NEBL: variants seen among roughly 807,000 people sequenced by gnomAD.
The protein encoded by NEBL is LIM and SH3 protein 2.
A neutral mutation model predicts 140.2 loss-of-function variants in NEBL; 122 were observed. That is an observed-to-expected ratio of 0.87 (90% CI 0.75 to 1.01). The LOEUF is 1.01. Among genes scored for constraint, NEBL ranks in the 50% least tolerant of loss-of-function variants. The pLI is 0.00. For missense variants in NEBL, 1,365 were observed against 1,231.3 expected (o/e 1.11, Z -1.62); for synonymous variants, 436 against 398.9 (o/e 1.09, Z -1.11).
chr10:20,873,480 G>A (rs551152525), intron 5 of NEBL, among the ~76,000 whole-genome samples: 187 of 152,034 alleles, frequency 1.2e-3, no homozygotes, highest in Non-Finnish European at 2.2e-3. Context: ...AGGAAGAACA[G>A]GAGGAGGAGG....
At chr10:21,191,135 C>T (rs911106900) in intron 3 of NEBL, among the ~76,000 whole-genome samples, 5 of 152,254 alleles carry the variant, frequency 3.3e-5, no homozygotes, top group Admixed American at 2.0e-4. Context: ...TAGGAGCATC[C>T]ACAGGTGTTC....
rs548574865 is a variant in NEBL at position 21,116,178 on chromosome 10, T to C, written c.164+56205A>G. On this transcript the variant is annotated intron_variant, in intron 2 of 6. Transcript: ENST00000417816. ...GTTCTTTTAATGTCCTTGTATTAGC[T>C]CAGGCTGCTATAACAAAATACCATA... 5.3e-5 allele frequency among the ~76,000 whole-genome samples: 8 copies of C among 152,214 alleles called. No homozygotes were observed. The East Asian group carries it at 1.4e-3, about 26-fold the overall frequency.
chr10:21,251,628 C>T (rs1842590076), intron 2 of NEBL, among the ~76,000 whole-genome samples: 1 of 152,056 alleles, frequency 6.6e-6, no homozygotes, highest in Admixed American at 6.6e-5. Flanking sequence ...ATGTTAAATC[C>T]TAATACCAAT....
intron 3 of NEBL, among the ~76,000 whole-genome samples, chr10:21,198,936 G>T (rs1841692269): frequency 6.6e-6 from 1 of 151,470 alleles, no homozygotes; most frequent in African/African-American, 2.4e-5. Context: ...TACCTTACAG[G>T]GATGGGCCTA....
chr10:20,821,233 A>G lies in NEBL; in HGVS notation c.1963-1717T>C, dbSNP rs1046749113. On this transcript the variant is annotated intron_variant, in intron 19 of 27. Coordinates refer to ENST00000377122, the MANE Select transcript of NEBL (RefSeq NM_006393.3). ...GTTTGATAGAATCTTCACATCTTGT[A>G]TTCATCCCTTCACAAACATGCTGTG... Among the ~76,000 whole-genome samples the G allele has an allele frequency of 1.2e-4, 19 of 152,220 alleles. 1 individual carries two copies.
chr10:20,851,398 G>T (rs1476527807), intron 10 of NEBL, among the ~76,000 whole-genome samples: 2 of 152,030 alleles, frequency 1.3e-5, no homozygotes, highest in African/African-American at 4.8e-5. Flanking sequence ...ATACCTATTT[G>T]TAGACATAAT....
rs935749088 is a variant in NEBL at position 20,879,015 on chromosome 10, G to A, written c.480+1779C>T. 5.9e-5 allele frequency among the ~76,000 whole-genome samples: 9 copies of A among 152,170 alleles called. No individual in the cohort carries two copies. The South Asian group carries it at 1.0e-3, about 18-fold the overall frequency. On this transcript the variant is annotated intron_variant, in intron 5 of 27. Coordinates refer to ENST00000377122, the MANE Select transcript of NEBL (RefSeq NM_006393.3). ...AGATCACCAGACCACCTTCTAACCC[G>A]TGGCCTTTTGTGTGAATTTCGTCTC...
intron 2 of NEBL, among the ~76,000 whole-genome samples, chr10:21,027,144 C>T (rs1424054269): frequency 6.6e-6 from 1 of 152,096 alleles, no homozygotes; most frequent in Non-Finnish European, 1.5e-5. Flanking sequence ...ATCATGGCCA[C>T]ATGAATAAGC....
intron 2 of NEBL, among the ~76,000 whole-genome samples, chr10:21,069,055 C>T (rs1403613644): frequency 6.6e-5 from 10 of 152,002 alleles, no homozygotes; most frequent in Non-Finnish European, 1.5e-5. Flanking sequence ...CACCTGGATA[C>T]TTTTTATATT....
intron 4 of NEBL, among the ~76,000 whole-genome samples, chr10:20,912,729 T>C (rs7071220): frequency 0.45 from 68,564 of 151,858 alleles, 16,458 homozygotes; most frequent in Non-Finnish European, 0.52. Context: ...GGTTAAAACG[T>C]TGTGACTTGA....
At chr10:20,953,988 G>C (rs2131600965) in intron 4 of NEBL, among the ~76,000 whole-genome samples, 1 of 136,316 alleles carries the variant, frequency 7.3e-6, no homozygotes, top group East Asian at 2.1e-4. Context: ...TACTTGCCTA[G>C]ACTGAAAAGT....
At chr10:20,925,589 G>C (rs1323363747) in intron 4 of NEBL, among the ~76,000 whole-genome samples, 1 of 152,026 alleles carries the variant, frequency 6.6e-6, no homozygotes, top group Non-Finnish European at 1.5e-5. Flanking sequence ...TATTCTGAAA[G>C]AAAGCAATCT....
intron 3 of NEBL, among the ~76,000 whole-genome samples, chr10:20,987,227 A>G (rs1837291544): frequency 6.6e-6 from 1 of 151,336 alleles, no homozygotes; most frequent in African/African-American, 2.4e-5. Flanking sequence ...TATAGCATTC[A>G]TTCTAACCAA....
chr10:21,143,473 C>CAAAAAAAAAAAAAAAAAAAA (rs1839745073), intron 2 of NEBL, among the ~76,000 whole-genome samples: 1 of 122,050 alleles, frequency 8.2e-6, no homozygotes, highest in African/African-American at 3.3e-5. Flanking sequence ...AAAAAAAAAT[C>CAAAAAAAAAAAAAAAAAAAA]AAACGTGAAA....
chr10:20,894,497 G>T (rs906122636), intron 2 of NEBL, among the ~76,000 whole-genome samples: 2 of 146,360 alleles, frequency 1.4e-5, no homozygotes, highest in African/African-American at 5.0e-5. Context: ...AAGAAGGAAG[G>T]AAGGAAAAAA....
Position 21,173,803 on chromosome 10 carries a change from C to A in NEBL, c.31G>T (p.Val11Phe), listed in dbSNP as rs371100252. 1 of 1,613,030 alleles carries A rather than the reference C, an allele frequency of 6.2e-7. No homozygotes were observed. ...TTGACTTTCTCGGTGGGATACACGA[C>A]TTTTCCGCAACGGGCGCACTGGGGG... is the stretch of plus-strand genomic sequence containing the variant. The change falls in exon 1 of 7, where the codon GTC becomes TTC. Residue 11 changes from valine to phenylalanine, a missense_variant. By Grantham distance (50) the Val-to-Phe change is conservative. Coordinates refer to the NEBL transcript ENST00000417816. The surrounding 1 kb of genome is among the most constrained non-coding windows in gnomAD (Gnocchi z 5.7).
At chr10:21,128,191 C>G (rs1838926571) in intron 2 of NEBL, among the ~76,000 whole-genome samples, 1 of 152,094 alleles carries the variant, frequency 6.6e-6, no homozygotes, top group Non-Finnish European at 1.5e-5. Flanking sequence ...GCAACACCAA[C>G]CATCACTTGT....
At chr10:20,846,861 C>T (rs1242477881) in intron 11 of NEBL, among the ~76,000 whole-genome samples, 1 of 151,132 alleles carries the variant, frequency 6.6e-6, no homozygotes, top group African/African-American at 2.4e-5. Context: ...AAAAAAAAAA[C>T]CTTTTGGGTA....
At chr10:21,068,687 G>C (rs187741622) in intron 2 of NEBL, among the ~76,000 whole-genome samples, 14 of 152,326 alleles carry the variant, frequency 9.2e-5, no homozygotes, top group Admixed American at 8.5e-4. Flanking sequence ...GCTCTAGGTA[G>C]TTGGTGTTGA....
Sources: gnomAD v4.1 joint callset for allele counts (sites outside exome capture counted in the v4.1 genomes callset) on GRCh38, gnomAD v4.1.1 for gene constraint, Gnocchi (gnomAD v3.1) non-coding constraint, MANE v1.5 for transcripts, NCBI Gene and HGNC (gene_info 2026-07-23, HGNC 2026-07-21) for gene names.